RAD54L2: variants seen among roughly 807,000 people sequenced by gnomAD.
The protein encoded by RAD54L2 is RAD54 like 2.
Under a neutral mutation model 138.4 loss-of-function variants are expected in RAD54L2, and 27 were observed. That is an observed-to-expected ratio of 0.20 (90% confidence interval 0.14 to 0.27). The LOEUF (loss-of-function observed/expected upper bound fraction) is 0.27. RAD54L2 is among the 10% of genes least tolerant of loss of function. The probability of loss-of-function intolerance (pLI) is 1.00; values close to 1 mark genes in which losing one functional copy is unlikely to be tolerated. For synonymous variants in RAD54L2, 644 were observed against 723.2 expected, an observed-to-expected ratio of 0.89 and a Z score of 1.76; for missense variants, 1,396 against 1,890.2, an observed-to-expected ratio of 0.74 and a Z score of 4.85.
chr3:51,590,329 A>C, intron 2 of RAD54L2, 38 bp from the exon 3 acceptor site: 14 of 1,392,784 alleles, frequency 1.0e-5, no homozygotes, highest in Non-Finnish European at 1.3e-5. Flanking sequence ...TCCTAAGCAA[A>C]ACCCTTGGTG....
chr3:51,578,385 A>G (rs1699529529), intron 2 of RAD54L2, among the ~76,000 whole-genome samples: 1 of 152,172 alleles, frequency 6.6e-6, no homozygotes, highest in Admixed American at 6.6e-5. Flanking sequence ...GTGTAATTCA[A>G]TTCCTATGCA....
chr3:51,630,947 A>T lies in RAD54L2; in HGVS notation c.825+16A>T. The T allele has an allele frequency of 6.3e-7, 1 of 1,589,058 alleles. No individual in the cohort carries two copies. Among genetic ancestry groups the T allele is most frequent in the Non-Finnish European group, 8.6e-7 (1 of 1,158,814 alleles). ...ACCTCATCAGGTACAGCAAACCTTG[A>T]CTGTTTTCTCCTTTTCCTTTTTGTT... On this transcript the variant is annotated intron_variant, in intron 7 of 22. Transcript: ENST00000684192.
intron 3 of RAD54L2, among the ~76,000 whole-genome samples, chr3:51,610,430 CCCAT>C (rs1325229990): frequency 1.3e-5 from 2 of 151,682 alleles, no homozygotes; most frequent in Non-Finnish European, 2.9e-5. Flanking sequence ...ATGGTGAAAC[CCCAT>C]CTCTACTAAA....
intron 3 of RAD54L2, among the ~76,000 whole-genome samples, chr3:51,616,490 G>A (rs1167841192): frequency 1.3e-5 from 2 of 152,060 alleles, no homozygotes; most frequent in East Asian, 3.8e-4. Flanking sequence ...ACATGTACAT[G>A]ACTGTTGGTT....
At chr3:51,617,298 A>G (rs1164343617) in intron 3 of RAD54L2, among the ~76,000 whole-genome samples, 1 of 152,224 alleles carries the variant, frequency 6.6e-6, no homozygotes, top group African/African-American at 2.4e-5. Context: ...AGAAACTGCC[A>G]AAGTGTTTCC....
At chr3:51,613,602 G>T (rs1420838771) in intron 3 of RAD54L2, among the ~76,000 whole-genome samples, 1 of 151,942 alleles carries the variant, frequency 6.6e-6, no homozygotes, top group African/African-American at 2.4e-5. Flanking sequence ...CCCTGTCTGT[G>T]GTAGAAATAC....
intron 2 of RAD54L2, among the ~76,000 whole-genome samples, chr3:51,545,075 G>A (rs782060814): frequency 8.5e-5 from 13 of 152,136 alleles, no homozygotes; most frequent in Non-Finnish European, 1.6e-4. Flanking sequence ...TCCGTTTTCT[G>A]CTCAGTCTAA....
At position 51,662,631 on chromosome 3, in the gene RAD54L2, C is replaced by T. The variant is rs772607801; in HGVS notation, c.3615C>T (p.Pro1205=). 1.2e-6 allele frequency: 2 copies of T among 1,612,634 alleles called. No homozygotes were observed. Among genetic ancestry groups the T allele is most frequent in the Admixed American group, 1.7e-5 (1 of 59,864 alleles). Residue 1205 remains proline, a synonymous_variant, in exon 23 of 23, where the codon CCC becomes CCT. Coordinates refer to ENST00000684192, the MANE Select transcript of RAD54L2 (RefSeq NM_015106.4). The surrounding 1 kb of genome is among the most constrained non-coding windows in gnomAD (Gnocchi z 4.6). The part of the protein sequence containing the change: ...SPSTNAALPG[P]PAQLMDSSAV... Reference sequence around the variant, plus strand: ...GCACCAATGCCGCCCTGCCTGGCCCCCCGGCCCAACTTATGGACAGCAGTG... The same window carrying T: ...GCACCAATGCCGCCCTGCCTGGCCCTCCGGCCCAACTTATGGACAGCAGTG...
intron 2 of RAD54L2, among the ~76,000 whole-genome samples, chr3:51,588,534 C>CAAAAAAA (rs71633079): frequency 2.0e-5 from 1 of 49,408 alleles, no homozygotes; most frequent in East Asian, 5.5e-4. Context: ...AACTGCATCT[C>CAAAAAAA]AAAAAAAAAA....
At chr3:51,625,495 A>G (rs1282579311) in intron 3 of RAD54L2, among the ~76,000 whole-genome samples, 1 of 152,182 alleles carries the variant, frequency 6.6e-6, no homozygotes, top group Admixed American at 6.5e-5. Context: ...GAAAGAGGAA[A>G]ATAGAAAACC....
At chr3:51,640,120 A>G (rs560850425) in intron 14 of RAD54L2, 121 bp downstream of exon 14, 2 of 665,042 alleles carry the variant, frequency 3.0e-6, no homozygotes, top group East Asian at 2.8e-5. Flanking sequence ...ACCTTCTTGC[A>G]TGTTGTCTGT....
chr3:51,601,898 C>T (rs1230507697), intron 3 of RAD54L2, among the ~76,000 whole-genome samples: 1 of 151,688 alleles, frequency 6.6e-6, no homozygotes. Context: ...TGCCCTGTCG[C>T]CAGGCTGGAG....
At chr3:51,607,582 G>C (rs1015621003) in intron 3 of RAD54L2, among the ~76,000 whole-genome samples, 11 of 152,086 alleles carry the variant, frequency 7.2e-5, no homozygotes, top group Non-Finnish European at 1.5e-4. Flanking sequence ...CGACAAAACC[G>C]CCATTGTCAT....
intron 3 of RAD54L2, among the ~76,000 whole-genome samples, chr3:51,608,083 G>A (rs1311441058): frequency 4.6e-5 from 7 of 151,250 alleles, no homozygotes; most frequent in Admixed American, 1.3e-4. Context: ...GGCGGCTGCC[G>A]GGTGGAGGGG....
intron 2 of RAD54L2, among the ~76,000 whole-genome samples, chr3:51,584,357 A>G (rs1290431455): frequency 6.6e-6 from 1 of 152,048 alleles, no homozygotes; most frequent in Non-Finnish European, 1.5e-5. Context: ...TCATCATTAT[A>G]TTTCCAAGTA....
At chr3:51,625,905 A>G (rs1441868744) in intron 3 of RAD54L2, among the ~76,000 whole-genome samples, 1 of 152,098 alleles carries the variant, frequency 6.6e-6, no homozygotes, top group Admixed American at 6.5e-5. Context: ...AGACCAGAAT[A>G]GACTGAGAAG....
At chr3:51,613,211 A>G (rs1003064977) in intron 3 of RAD54L2, among the ~76,000 whole-genome samples, 2 of 152,124 alleles carry the variant, frequency 1.3e-5, no homozygotes, top group African/African-American at 4.8e-5. Flanking sequence ...TGCTGGGATT[A>G]CAGACATGAG....
chr3:51,608,597 G>T (rs1480610513), intron 3 of RAD54L2, among the ~76,000 whole-genome samples: 2 of 152,236 alleles, frequency 1.3e-5, no homozygotes. Context: ...GGCTGAGGCT[G>T]GCAGATCACT....
At chr3:51,606,433 A>G (rs1700181539) in intron 3 of RAD54L2, among the ~76,000 whole-genome samples, 1 of 152,126 alleles carries the variant, frequency 6.6e-6, no homozygotes, top group Non-Finnish European at 1.5e-5. Flanking sequence ...GGACATGAGA[A>G]AAGGCAAGGA....
Sources: allele counts gnomAD v4.1 joint callset (sites outside exome capture counted in the v4.1 genomes callset), GRCh38; gene constraint gnomAD v4.1.1; non-coding constraint Gnocchi (gnomAD v3.1); transcripts MANE v1.5; gene names NCBI Gene and HGNC (gene_info 2026-07-23, HGNC 2026-07-21).